The following TTLL11 variants were observed in gnomAD, a reference collection of about 807,000 sequenced individuals.
TTLL11 encodes the protein tubulin tyrosine ligase like 11.
TTLL11 carries 42 observed loss-of-function variants against 51.7 expected under a neutral mutation model. The ratio of observed to expected loss-of-function variants is 0.81; its 90% CI spans 0.64 to 1.05. The LOEUF is 1.05. Among genes scored for constraint, TTLL11 ranks in the 50% least tolerant of loss-of-function variants. The pLI, the probability that TTLL11 is intolerant of heterozygous loss-of-function variation, is 0.00. For missense variants in TTLL11, 799 were observed against 940.4 expected (o/e 0.85, Z 1.97); for synonymous variants, 381 against 383.5 (o/e 0.99, Z 0.08).
At chr9:122,023,761 A>T (rs1376282987) in intron 3 of TTLL11, among the ~76,000 whole-genome samples, 2 of 151,990 alleles carry the variant, frequency 1.3e-5, no homozygotes, top group Non-Finnish European at 2.9e-5. Context: ...ATTCCTAATT[A>T]AAAACAAACA....
chr9:122,000,277 C>T (rs1299040070), intron 3 of TTLL11, among the ~76,000 whole-genome samples: 1 of 152,016 alleles, frequency 6.6e-6, no homozygotes, highest in Non-Finnish European at 1.5e-5. Context: ...GAAGACCATC[C>T]TGCCTAACAC....
rs141180580 is a variant in TTLL11 at position 121,914,817 on chromosome 9, C to A, written c.1482-44069G>T. Among the ~76,000 whole-genome samples, 597 of 152,262 alleles carry A rather than the reference C, an allele frequency of 3.9e-3. 7 individuals are homozygous for A. Among genetic ancestry groups the A allele is most frequent in the African/African-American group, 0.014 (575 of 41,542 alleles). The stretch of plus-strand genomic sequence containing the variant: ...AGCAAGAGGGCTGGCTCTTCCTGCT[C>A]CCTAGGCTATCTGGGAATGGAGCCA... On this transcript the variant is annotated intron_variant, in intron 6 of 8. Coordinates refer to ENST00000321582, the MANE Select transcript of TTLL11 (RefSeq NM_001139442.2).
At chr9:121,988,731 C>A (rs1013929329) in intron 4 of TTLL11, among the ~76,000 whole-genome samples, 5 of 152,194 alleles carry the variant, frequency 3.3e-5, no homozygotes, top group African/African-American at 1.2e-4. Flanking sequence ...CCTCCATAAT[C>A]ATTGCTTTTT....
intron 3 of TTLL11, among the ~76,000 whole-genome samples, chr9:122,005,187 G>A (rs1843607031): frequency 6.6e-6 from 1 of 152,188 alleles, no homozygotes; most frequent in African/African-American, 2.4e-5. Context: ...AGTACAGGCT[G>A]GAGCCTGATC....
At chr9:121,916,157 A>G (rs1408982307) in intron 6 of TTLL11, among the ~76,000 whole-genome samples, 1 of 152,236 alleles carries the variant, frequency 6.6e-6, no homozygotes, top group Non-Finnish European at 1.5e-5. Context: ...CACACAGGCC[A>G]TAGAAACAAT....
chr9:121,997,760 G>A (rs1026168843), intron 3 of TTLL11, among the ~76,000 whole-genome samples: 3 of 152,136 alleles, frequency 2.0e-5, no homozygotes, highest in Non-Finnish European at 4.4e-5. Flanking sequence ...CCCAGGTGAG[G>A]CTCATTCCAA....
chr9:121,968,302 T>C (rs1186655520), intron 6 of TTLL11, among the ~76,000 whole-genome samples: 5 of 152,198 alleles, frequency 3.3e-5, no homozygotes, highest in African/African-American at 4.8e-5. Context: ...GACAGATGTT[T>C]TCCTCCTTCA....
chr9:121,974,012 TTC>T lies in TTLL11; in HGVS notation c.1476_1477del (p.Asn493SerfsTer6). The T allele has an allele frequency of 6.4e-7, 1 of 1,550,866 alleles. No individual in the cohort carries two copies. Among genetic ancestry groups the T allele is most frequent in the Non-Finnish European group, 8.7e-7 (1 of 1,146,222 alleles). ...AATGACATAAAAAAGTACTTACTGA[TTC>T]TCTCTTTTCTTCTTAAGTGGGTCCA... On this transcript the variant is annotated frameshift_variant, in exon 6 of 9. Coordinates refer to ENST00000321582, the MANE Select transcript of TTLL11 (RefSeq NM_001139442.2). LOFTEE classifies it high-confidence loss of function.
chr9:122,014,958 C>A (rs375569500), intron 3 of TTLL11, among the ~76,000 whole-genome samples: 2 of 152,180 alleles, frequency 1.3e-5, no homozygotes, highest in Non-Finnish European at 2.9e-5. Context: ...CCTCGGGAAA[C>A]GATTGCACTA....
At chr9:121,826,314 T>TTATATATATATATATGGGTTTA (rs201255541) in intron 8 of TTLL11, among the ~76,000 whole-genome samples, 1,534 of 91,790 alleles carry the variant, frequency 0.017, 122 homozygotes, top group African/African-American at 0.06. Flanking sequence ...ATATATGGGT[T>TTATATATATATATATGGGTTTA]TATATATATA....
At chr9:122,030,802 G>T (rs1382359782) in intron 3 of TTLL11, among the ~76,000 whole-genome samples, 1 of 148,998 alleles carries the variant, frequency 6.7e-6, no homozygotes, top group Non-Finnish European at 1.5e-5. Context: ...AAAAGCCGGT[G>T]TGGTGGCACC....
At chr9:121,979,078 C>T (rs1234784014) in intron 4 of TTLL11, among the ~76,000 whole-genome samples, 1 of 152,118 alleles carries the variant, frequency 6.6e-6, no homozygotes, top group African/African-American at 2.4e-5. Flanking sequence ...ATAAAAAGAC[C>T]GTGGCTTCTA....
chr9:121,889,721 G>A (rs891231729), intron 6 of TTLL11, among the ~76,000 whole-genome samples: 1 of 152,186 alleles, frequency 6.6e-6, no homozygotes, highest in African/African-American at 2.4e-5. Context: ...CCAACATGGT[G>A]AAACCCCGTC....
chr9:121,826,498 TGTG>T (rs1836786054), intron 8 of TTLL11, among the ~76,000 whole-genome samples: 1 of 48,018 alleles, frequency 2.1e-5, no homozygotes, highest in African/African-American at 9.3e-5. Context: ...TATATATGTG[TGTG>T]TATATATATA....
intron 1 of TTLL11, among the ~76,000 whole-genome samples, chr9:122,042,230 G>C (rs1411066505): frequency 1.3e-5 from 2 of 152,110 alleles, no homozygotes; most frequent in Non-Finnish European, 2.9e-5. Flanking sequence ...GGCCAGTCTG[G>C]TCTCAGGCCA....
chr9:121,930,970 A>G (rs543778354), intron 6 of TTLL11, among the ~76,000 whole-genome samples: 3 of 152,326 alleles, frequency 2.0e-5, no homozygotes, highest in African/African-American at 7.2e-5. Flanking sequence ...GGCTGTACAC[A>G]GTGAGGAGAT....
At chr9:121,879,053 A>G (rs1431059350) in intron 6 of TTLL11, among the ~76,000 whole-genome samples, 2 of 152,198 alleles carry the variant, frequency 1.3e-5, no homozygotes, top group African/African-American at 4.8e-5. Context: ...TAAAATGGGA[A>G]TAATAATGGC....
intron 6 of TTLL11, among the ~76,000 whole-genome samples, chr9:121,916,018 C>CACACAA (rs1840311403): frequency 6.6e-6 from 1 of 151,660 alleles, no homozygotes; most frequent in African/African-American, 2.4e-5. Flanking sequence ...CACACACACA[C>CACACAA]ACACACACAC....
intron 6 of TTLL11, among the ~76,000 whole-genome samples, chr9:121,960,179 G>C (rs1264765041): frequency 6.6e-6 from 1 of 151,948 alleles, no homozygotes. Context: ...GTTTAGTTTT[G>C]CCTGTTCTGA....
Sources: gnomAD v4.1 joint callset for allele counts (sites outside exome capture counted in the v4.1 genomes callset) on GRCh38, gnomAD v4.1.1 for gene constraint, MANE v1.5 for transcripts, NCBI Gene and HGNC (gene_info 2026-07-23, HGNC 2026-07-21) for gene names.